Variants in CEP44 observed in about 807,000 individuals in gnomAD.
CEP44 encodes the protein centrosomal protein of 44 kDa.
CEP44 carries 45 observed loss-of-function variants against 46.7 expected under a neutral mutation model. The ratio of observed to expected loss-of-function variants is 0.96; its 90% CI spans 0.76 to 1.24. CEP44 has a LOEUF of 1.24. Ranked by LOEUF, CEP44 falls within the 50% of genes most tolerant of loss-of-function variation. The pLI, the probability that CEP44 is intolerant of heterozygous loss-of-function variation, is 0.00. For missense variants in CEP44, 475 were observed against 459.7 expected, an observed-to-expected ratio of 1.03 and a Z score of -0.30; for synonymous variants, 142 against 146.0, an observed-to-expected ratio of 0.97 and a Z score of 0.20.
rs547943577 is a variant in CEP44, at chr4:174,295,023, C to T, written c.-147-2943C>T. Reference sequence around the variant, plus strand: ...CTCCCGGATGGGACGGCTGGCCAGGCGGGGGGCTGACCCCCCCACCTCCCT... The same window carrying T: ...CTCCCGGATGGGACGGCTGGCCAGGTGGGGGGCTGACCCCCCCACCTCCCT... On this transcript the variant is annotated intron_variant, in intron 1 of 11. Transcript: ENST00000503780. 8.5e-3 allele frequency among the ~76,000 whole-genome samples: 1,125 copies of T among 131,770 alleles called. 21 individuals are homozygous for T. Among genetic ancestry groups the T allele is most frequent in the African/African-American group, 0.032 (1,019 of 32,322 alleles). The allele number at this position is 131,770 out of a possible 152,430, so 86.4% of individuals were successfully genotyped here.
rs1483038231 is a variant in CEP44 at position 174,329,267 on chromosome 4, A to G, written c.1087-2215A>G. On this transcript the variant is annotated intron_variant, in intron 8 of 8. Coordinates refer to the CEP44 transcript ENST00000426172. This position sits in a 1 kb window ranked among gnomAD's most constrained non-coding sequence, Gnocchi z 4.0. ...AGCTGGCCCTATACTTTTCCATTTT[A>G]TTAGGAAGATGATTCAGGATGAATA... Among the ~76,000 whole-genome samples, 1 of 151,998 alleles carries G rather than the reference A, an allele frequency of 6.6e-6. No individual in the cohort carries two copies. The highest frequency in any genetic ancestry group is 1.5e-5 in the Non-Finnish European group (1 of 67,988).
chr4:174,323,226 T>G (rs1236861048), downstream of CEP44, among the ~76,000 whole-genome samples: 1 of 151,832 alleles, frequency 6.6e-6, no homozygotes, highest in Non-Finnish European at 1.5e-5. Context: ...GAAGCAGAAA[T>G]TCAGAGTATT....
rs1348879319 is a variant in CEP44, at chr4:174,329,532, G to A, written c.1087-1950G>A. Among the ~76,000 whole-genome samples the A allele has an allele frequency of 6.6e-6, 1 of 151,980 alleles. No individual in the cohort carries two copies. The highest frequency in any genetic ancestry group is 1.5e-5 in the Non-Finnish European group (1 of 67,994). ...AAGTTGTCAATGTTGAAATATATTT[G>A]GTATTTTAGCATTATCTTGCTTCCA... On this transcript the variant is annotated intron_variant, in intron 8 of 8. Transcript: ENST00000426172. The surrounding 1 kb of genome is among the most constrained non-coding windows in gnomAD (Gnocchi z 4.0).
rs1158090549 is a variant in CEP44 at position 174,331,264 on chromosome 4, T to G, written c.1087-218T>G. 6.6e-6 allele frequency among the ~76,000 whole-genome samples: 1 copy of G among 152,158 alleles called. No homozygotes were observed. The highest frequency in any genetic ancestry group is 1.9e-4 in the East Asian group (1 of 5,194). ...GAAAAAAAAAAAAACTCTGAACATT[T>G]AGCTGTTTATTCTGGTATCTAACAA... On this transcript the variant is annotated intron_variant, in intron 8 of 8. Coordinates refer to the CEP44 transcript ENST00000426172. This position sits in a 1 kb window ranked among gnomAD's most constrained non-coding sequence, Gnocchi z 4.5.
rs1740947764 is a variant in CEP44 at position 174,310,408 on chromosome 4, C to G, written c.885+352C>G. On this transcript the variant is annotated intron_variant, in intron 8 of 11. Coordinates refer to ENST00000503780, the MANE Select transcript of CEP44 (RefSeq NM_001040157.3). The surrounding 1 kb of genome is among the most constrained non-coding windows in gnomAD (Gnocchi z 4.2). The stretch of plus-strand genomic sequence containing the variant: ...CTATTTTCATAGGGTAGAAAAGATA[C>G]AGAAGATATAGGTAACTCTTCCCAT... Among the ~76,000 whole-genome samples, 1 of 151,864 alleles carries G rather than the reference C, an allele frequency of 6.6e-6. No individual in the cohort carries two copies. The highest frequency in any genetic ancestry group is 2.1e-4 in the South Asian group (1 of 4,822).
rs115267795 is a variant in CEP44, at chr4:174,303,864, A to G, written c.384+15A>G. 1,131 of 1,498,910 alleles carry G rather than the reference A, an allele frequency of 7.5e-4. 10 individuals carry two copies. In the African/African-American group the frequency reaches 0.013, roughly 17 times the overall value. 92.9% of individuals were successfully genotyped at this position (1,498,910 alleles called of 1,614,324 possible). Reference sequence around the variant, plus strand: ...GTCTTCAGAAGGTAATTTTATGAATAGATATTAATGCTGATGTATGCTATT... The same window carrying G: ...GTCTTCAGAAGGTAATTTTATGAATGGATATTAATGCTGATGTATGCTATT... On this transcript the variant is annotated intron_variant, in intron 5 of 11. Coordinates refer to ENST00000503780, the MANE Select transcript of CEP44 (RefSeq NM_001040157.3).
intron 6 of CEP44, among the ~76,000 whole-genome samples, chr4:174,306,287 G>T (rs1740392520): frequency 6.6e-6 from 1 of 152,074 alleles, no homozygotes; most frequent in South Asian, 2.1e-4. Flanking sequence ...CTAATAAATT[G>T]CAGTTTGTTT....
intron 2 of CEP44, 106 bp from the exon 3 acceptor site, chr4:174,298,966 G>A: frequency 1.8e-6 from 1 of 571,308 alleles, no homozygotes; most frequent in Non-Finnish European, 3.1e-6. Flanking sequence ...AAGAGCTAGG[G>A]TAAGATAAAT....
chr4:174,294,111 T>C (rs1738555734), intron 1 of CEP44, among the ~76,000 whole-genome samples: 1 of 150,828 alleles, frequency 6.6e-6, no homozygotes, highest in South Asian at 2.1e-4. Flanking sequence ...GGCAGGGTCA[T>C]AGGACAATAG....
intron 6 of CEP44, among the ~76,000 whole-genome samples, chr4:174,306,292 T>C (rs2126613094): frequency 6.6e-6 from 1 of 152,288 alleles, no homozygotes; most frequent in Middle Eastern, 3.4e-3. Flanking sequence ...AAATTGCAGT[T>C]TGTTTAACAG....
intron 1 of CEP44, among the ~76,000 whole-genome samples, chr4:174,294,671 G>A (rs1174383300): frequency 6.7e-6 from 1 of 150,268 alleles, no homozygotes; most frequent in Non-Finnish European, 1.5e-5. Flanking sequence ...CCGGGCGGGG[G>A]GCTGACCCCC....
At position 174,299,488 on chromosome 4, in the gene CEP44, G is replaced by A. The variant is rs571945411; in HGVS notation, c.89+278G>A. On this transcript the variant is annotated intron_variant, in intron 3 of 11. Transcript: ENST00000503780. ...CTGTACAGCTTTTAAACTCATAGAG[G>A]TATAATAGATTTTATTATTTGTATA... Among the ~76,000 whole-genome samples, 5 of 152,120 alleles carry A rather than the reference G, an allele frequency of 3.3e-5. No homozygotes were observed. In the East Asian group the frequency reaches 7.7e-4, roughly 23 times the overall value.
chr4:174,319,584 C>G lies in CEP44; in HGVS notation c.*2201C>G, dbSNP rs922382298. 1.1e-5 allele frequency: 8 copies of G among 750,506 alleles called. 1 individual carries two copies. Among genetic ancestry groups the G allele is most frequent in the African/African-American group, 1.9e-5 (1 of 52,740 alleles). 46.5% of individuals were successfully genotyped at this position (750,506 alleles called of 1,614,324 possible). A position where few individuals can be genotyped will look rare whatever the true frequency, so the allele number is the denominator to read the frequency against. ...CACAGAGAAGGGACTTAAAACATTT[C>G]TAATCTCCTAGTTTATATACAGTGT... On this transcript the variant is annotated 3_prime_UTR_variant, in exon 12 of 12. Transcript: ENST00000503780.
chr4:174,299,247 G>A, intron 3 of CEP44, 37 bp downstream of exon 3: 3 of 1,526,708 alleles, frequency 2.0e-6, no homozygotes, highest in Non-Finnish European at 2.7e-6. Context: ...TATTCTTCTT[G>A]CTAGTGATTT....
At chr4:174,289,299 T>C (rs1387337434) in intron 1 of CEP44, among the ~76,000 whole-genome samples, 3 of 132,804 alleles carry the variant, frequency 2.3e-5, no homozygotes, top group East Asian at 5.1e-4. Flanking sequence ...CCTCTTCTTT[T>C]TTTTTTTTTT....
rs756347245 is a variant in CEP44, at chr4:174,326,329, TC to T, written c.1087-5152del. ...TGTCAAATATTATACTACTCATTTT[TC>T]AGTATATATATTTAACTTAATATAG... is the stretch of plus-strand genomic sequence containing the variant. On this transcript the variant is annotated intron_variant, in intron 8 of 8. Transcript: ENST00000426172. This position sits in a 1 kb window ranked among gnomAD's most constrained non-coding sequence, Gnocchi z 4.8. 6.6e-6 allele frequency among the ~76,000 whole-genome samples: 1 copy of T among 151,414 alleles called. No individual in the cohort carries two copies. The highest frequency in any genetic ancestry group is 1.5e-5 in the Non-Finnish European group (1 of 67,944).
rs1740773011 is a variant in CEP44 at position 174,309,030 on chromosome 4, C to G, written c.678+171C>G. Among the ~76,000 whole-genome samples the G allele has an allele frequency of 6.6e-6, 1 of 152,042 alleles. No homozygotes were observed. The highest frequency in any genetic ancestry group is 6.6e-5 in the Admixed American group (1 of 15,254). On this transcript the variant is annotated intron_variant, in intron 7 of 11. Coordinates refer to ENST00000503780, the MANE Select transcript of CEP44 (RefSeq NM_001040157.3). This position sits in a 1 kb window ranked among gnomAD's most constrained non-coding sequence, Gnocchi z 5.3. ...AATAAGTCTTACTAAAATAATTCAA[C>G]AAATATTTGCTGCATATGTGTAGGG... is the stretch of plus-strand genomic sequence containing the variant.
At chr4:174,316,395 A>G in intron 10 of CEP44, 105 bp downstream of exon 10, 1 of 1,387,344 alleles carries the variant, frequency 7.2e-7, no homozygotes, top group Non-Finnish European at 1.0e-6. Context: ...CGCGAATCTT[A>G]GTCTCTCAAA....
At chr4:174,284,022 T>G (rs944160105) in intron 1 of CEP44, 79 bp downstream of exon 1, 9 of 399,624 alleles carry the variant, frequency 2.3e-5, no homozygotes, top group African/African-American at 1.8e-4. Flanking sequence ...GGCGCCTGGC[T>G]GTAGCGACTG....
Sources: allele counts gnomAD v4.1 joint callset (sites outside exome capture counted in the v4.1 genomes callset), GRCh38; gene constraint gnomAD v4.1.1; non-coding constraint Gnocchi (gnomAD v3.1); transcripts MANE v1.5; gene names NCBI Gene and HGNC (gene_info 2026-07-23, HGNC 2026-07-21).